The following ALPK2 variants were observed in gnomAD, a reference collection of about 807,000 sequenced individuals.
ALPK2 encodes alpha-protein kinase 2.
Under a neutral mutation model 163.1 loss-of-function variants are expected in ALPK2, and 127 were observed. The ratio of observed to expected loss-of-function variants is 0.78; its 90% CI spans 0.67 to 0.90. The LOEUF is 0.90. ALPK2 is among the 40% of genes least tolerant of loss of function. The pLI is 0.00. For synonymous variants in ALPK2, 953 were observed against 959.1 expected (o/e 0.99, Z 0.12); for missense variants, 2,360 against 2,589.6 (o/e 0.91, Z 1.92).
chr18:58,532,659 A>G (rs1003307143), intron 5 of ALPK2, among the ~76,000 whole-genome samples: 3 of 152,216 alleles, frequency 2.0e-5, no homozygotes, highest in African/African-American at 7.2e-5. Context: ...GAGCATAAGC[A>G]TTGCCTCATT....
chr18:58,601,529 G>T (rs928335792), intron 3 of ALPK2, among the ~76,000 whole-genome samples: 3 of 152,154 alleles, frequency 2.0e-5, no homozygotes, highest in African/African-American at 7.2e-5. Context: ...TGAGAGAAAT[G>T]ATATTGGGTG....
At chr18:58,486,879 A>G (rs1487675035) in intron 12 of ALPK2, among the ~76,000 whole-genome samples, 1 of 152,226 alleles carries the variant, frequency 6.6e-6, no homozygotes, top group Non-Finnish European at 1.5e-5. Flanking sequence ...GATTCATTCA[A>G]AGGACATGAA....
intron 3 of ALPK2, among the ~76,000 whole-genome samples, chr18:58,597,750 C>T (rs1296603633): frequency 6.6e-6 from 1 of 152,196 alleles, no homozygotes; most frequent in Non-Finnish European, 1.5e-5. Flanking sequence ...ATGTCCCCCA[C>T]CAAGTCATAT....
chr18:58,593,093 C>T lies in ALPK2; in HGVS notation c.228-12545G>A, dbSNP rs114234357. On this transcript the variant is annotated intron_variant, in intron 3 of 12. Transcript: ENST00000361673. Reference sequence around the variant, plus strand: ...GACACCTTTGTCCAAACCTGTAGAACGGACACCAAGAGTGAACCCTCATGT... The same window carrying T: ...GACACCTTTGTCCAAACCTGTAGAATGGACACCAAGAGTGAACCCTCATGT... Among the ~76,000 whole-genome samples, 356 of 152,234 alleles carry T rather than the reference C, an allele frequency of 2.3e-3. 2 individuals carry two copies. The highest frequency in any genetic ancestry group is 8.1e-3 in the African/African-American group (335 of 41,534).
chr18:58,535,461 T>C lies in ALPK2; in HGVS notation c.4726A>G (p.Arg1576Gly). The C allele has an allele frequency of 6.2e-7, 1 of 1,614,244 alleles. No homozygotes were observed. Among genetic ancestry groups the C allele is most frequent in the African/African-American group, 1.3e-5 (1 of 75,068 alleles). ...DVPENDIVEP[R>G]KRQYVFPVSQ... ...ACAGGAAACACATACTGACGCTTTC[T>C]GGGCTCAACTATGTCATTTTCAGGG... Residue 1576 changes from arginine to glycine, a missense_variant, in exon 5 of 13, where the codon AGA (arginine) becomes GGA (glycine). Arg to Gly is a moderately radical substitution (Grantham distance 125, BLOSUM62 -2). Coordinates refer to ENST00000361673, the MANE Select transcript of ALPK2 (RefSeq NM_052947.4).
chr18:58,543,398 G>C (rs1454274432), intron 4 of ALPK2: 7 of 985,324 alleles, frequency 7.1e-6, no homozygotes, highest in Non-Finnish European at 8.4e-6. Flanking sequence ...AGACCACACA[G>C]GAGCTTGTGG....
Position 58,535,015 on chromosome 18 carries a change from AGCTAAATGTCCACTGCCTGGG to A in ALPK2, c.5151_5171del (p.Pro1718_Ala1724del). 1 of 1,613,994 alleles carries A rather than the reference AGCTAAATGTCCACTGCCTGGG, an allele frequency of 6.2e-7. No individual in the cohort carries two copies. The highest frequency in any genetic ancestry group is 8.5e-7 in the Non-Finnish European group (1 of 1,179,982). On this transcript the variant is annotated inframe_deletion, in exon 5 of 13. Coordinates refer to ENST00000361673, the MANE Select transcript of ALPK2 (RefSeq NM_052947.4). ...ACAAAATTTTCTTCTTTACTCCCTC[AGCTAAATGTCCACTGCCTGGG>A]GCTTCTGGCTTCCTCTTGACCTCCT...
chr18:58,589,308 G>T (rs894613701), intron 3 of ALPK2, among the ~76,000 whole-genome samples: 4 of 152,168 alleles, frequency 2.6e-5, no homozygotes, highest in Non-Finnish European at 5.9e-5. Context: ...TAATACATGG[G>T]CCTATGTAAT....
chr18:58,492,040 C>T (rs1347879271), intron 12 of ALPK2, among the ~76,000 whole-genome samples: 1 of 152,210 alleles, frequency 6.6e-6, no homozygotes, highest in Non-Finnish European at 1.5e-5. Context: ...ACTCTGAATC[C>T]TCACGAGGGG....
At chr18:58,502,634 T>C (rs898240137) in intron 11 of ALPK2, among the ~76,000 whole-genome samples, 7 of 152,168 alleles carry the variant, frequency 4.6e-5, no homozygotes, top group Non-Finnish European at 1.0e-4. Flanking sequence ...GAAAATAATA[T>C]AGTTCAGATT....
intron 4 of ALPK2, 187 bp from the exon 5 acceptor site, chr18:58,538,411 C>G (rs554624939): frequency 3.5e-6 from 2 of 566,358 alleles, no homozygotes; most frequent in Admixed American, 3.6e-5. Flanking sequence ...CAAATTTAAG[C>G]AACTCTGTGT....
intron 12 of ALPK2, among the ~76,000 whole-genome samples, chr18:58,484,752 T>TATA (rs112129757): frequency 0.25 from 37,446 of 149,688 alleles, 6,454 homozygotes; most frequent in East Asian, 0.76. Context: ...CAAAAAATAA[T>TATA]ATAATAATAA....
chr18:58,578,544 G>C, intron 4 of ALPK2: 1 of 305,490 alleles, frequency 3.3e-6, no homozygotes, highest in Non-Finnish European at 5.9e-6. Flanking sequence ...AATCCCATTA[G>C]TGCCTCTTAA....
At chr18:58,615,255 G>A (rs1024108835) in intron 1 of ALPK2, among the ~76,000 whole-genome samples, 5 of 152,146 alleles carry the variant, frequency 3.3e-5, no homozygotes, top group African/African-American at 1.2e-4. Context: ...TTGAGACAGA[G>A]GGATGACTAC....
chr18:58,494,241 C>T (rs1024664206), intron 12 of ALPK2, among the ~76,000 whole-genome samples: 1 of 152,130 alleles, frequency 6.6e-6, no homozygotes, highest in African/African-American at 2.4e-5. Context: ...ATCTTACTTG[C>T]CATACTTTGT....
intron 2 of ALPK2, among the ~76,000 whole-genome samples, 160 bp from the exon 3 acceptor site, chr18:58,607,599 C>A (rs933717068): frequency 1.6e-4 from 24 of 151,894 alleles, no homozygotes; most frequent in South Asian, 4.2e-4. Flanking sequence ...CTTGTTGATA[C>A]AAATAAACAC....
intron 1 of ALPK2, among the ~76,000 whole-genome samples, chr18:58,613,704 AAAAAAATAATAAT>A (rs1289773238): frequency 4.6e-5 from 4 of 86,562 alleles, no homozygotes; most frequent in Non-Finnish European, 8.2e-5. Context: ...ATCTCAAAAA[AAAAAAATAATAAT>A]AATAATAATA....
At chr18:58,483,832 T>C (rs1033445758) in intron 12 of ALPK2, among the ~76,000 whole-genome samples, 4 of 151,854 alleles carry the variant, frequency 2.6e-5, no homozygotes, top group African/African-American at 9.7e-5. Context: ...CCCAAAGTGC[T>C]GGGATTACAA....
intron 10 of ALPK2, among the ~76,000 whole-genome samples, chr18:58,511,365 T>C (rs1262712323): frequency 6.6e-6 from 1 of 152,190 alleles, no homozygotes; most frequent in East Asian, 1.9e-4. Context: ...TTTATTGCAA[T>C]TTCCCTGTCT....
Sources: gnomAD v4.1 joint callset for allele counts (sites outside exome capture counted in the v4.1 genomes callset) on GRCh38, gnomAD v4.1.1 for gene constraint, MANE v1.5 for transcripts, NCBI Gene and HGNC (gene_info 2026-07-23, HGNC 2026-07-21) for gene names.